PDK1: variants seen among roughly 807,000 people sequenced by gnomAD.
PDK1 encodes pyruvate dehydrogenase kinase 1, also known as [Pyruvate dehydrogenase (acetyl-transferring)] kinase isozyme 1, mitochondrial.
In PDK1, 39 loss-of-function variants were observed where a neutral mutation model predicts 54.2. The ratio of observed to expected loss-of-function variants is 0.72; its 90% confidence interval spans 0.56 to 0.94. The LOEUF (loss-of-function observed/expected upper bound fraction) is 0.94. Among genes scored for constraint, PDK1 ranks in the 40% least tolerant of loss-of-function variants. The pLI is 0.00. For missense variants in PDK1, 552 were observed against 566.0 expected (o/e 0.98, Z 0.25); for synonymous variants, 221 against 207.1 (o/e 1.07, Z -0.58).
In PDK1 at chr2:172,556,125, C is replaced by T. The variant is rs1194258591; in HGVS notation, c.-26C>T. 1 of 1,381,710 alleles carries T rather than the reference C, an allele frequency of 7.2e-7. No homozygotes were observed. Among genetic ancestry groups the T allele is most frequent in the Non-Finnish European group, 9.3e-7 (1 of 1,073,824 alleles). The allele number at this position is 1,381,710 out of a possible 1,614,324, so 85.6% of individuals were successfully genotyped here. On this transcript the variant is annotated 5_prime_UTR_variant, in exon 1 of 11. Transcript: ENST00000282077. ...GGCGCGGGGAAACCTGGCGTACTGG[C>T]TGTGGCTTCTCTAGCGGGACTCGGC... is the stretch of plus-strand genomic sequence containing the variant.
the PDK1 span, among the ~76,000 whole-genome samples, chr2:172,672,753 T>C: frequency 1.3e-5 from 2 of 152,358 alleles, no homozygotes; most frequent in South Asian, 2.1e-4. Flanking sequence ...GTACACATTA[T>C]AATTTACAGC....
intron 10 of PDK1, among the ~76,000 whole-genome samples, chr2:172,593,944 T>C (rs752824412): frequency 6.6e-6 from 1 of 152,164 alleles, no homozygotes; most frequent in Admixed American, 6.5e-5. Context: ...GGAAAAAATA[T>C]CTGAAAAGAC....
chr2:172,647,364 T>C, the PDK1 span, among the ~76,000 whole-genome samples: 3 of 152,118 alleles, frequency 2.0e-5, no homozygotes, highest in Non-Finnish European at 4.4e-5. Flanking sequence ...AGATGGGACT[T>C]TGAGGCTACC....
the PDK1 span, among the ~76,000 whole-genome samples, chr2:172,687,156 T>A: frequency 6.6e-6 from 1 of 152,134 alleles, no homozygotes; most frequent in Non-Finnish European, 1.5e-5. Flanking sequence ...TTTAATGAAC[T>A]CTATTTCCTG....
At chr2:172,650,832 A>G in the PDK1 span, among the ~76,000 whole-genome samples, 2 of 152,222 alleles carry the variant, frequency 1.3e-5, no homozygotes, top group Non-Finnish European at 2.9e-5. Flanking sequence ...TTCATAAAGC[A>G]AGTCCTTAGA....
chr2:172,587,534 G>T (rs535555116), intron 9 of PDK1, among the ~76,000 whole-genome samples: 1 of 152,066 alleles, frequency 6.6e-6, no homozygotes, highest in African/African-American at 2.4e-5. Context: ...AGACCTTCGC[G>T]GTGAGTGTTA....
intron 8 of PDK1, among the ~76,000 whole-genome samples, chr2:172,584,664 T>G (rs1255736568): frequency 6.7e-6 from 1 of 148,656 alleles, no homozygotes; most frequent in Non-Finnish European, 1.5e-5. Flanking sequence ...TTTTTTTTTT[T>G]TTTAAATAGA....
chr2:172,685,772 G>C, the PDK1 span, among the ~76,000 whole-genome samples: 2 of 152,074 alleles, frequency 1.3e-5, no homozygotes, highest in Admixed American at 1.3e-4. Context: ...GTGACTTTTT[G>C]TTTCTATCAA....
the PDK1 span, among the ~76,000 whole-genome samples, chr2:172,613,791 C>T: frequency 6.6e-6 from 1 of 152,128 alleles, no homozygotes; most frequent in Non-Finnish European, 1.5e-5. Context: ...GAGCCCTTCT[C>T]CTTCTGAGTT....
chr2:172,616,642 T>C, the PDK1 span, among the ~76,000 whole-genome samples: 1 of 152,176 alleles, frequency 6.6e-6, no homozygotes, highest in African/African-American at 2.4e-5. Context: ...TTGTGAGAAA[T>C]AGGTTCATAG....
chr2:172,591,333 C>T (rs1270341444), intron 9 of PDK1, among the ~76,000 whole-genome samples: 1 of 152,182 alleles, frequency 6.6e-6, no homozygotes, highest in Non-Finnish European at 1.5e-5. Context: ...CCTGTAAACG[C>T]CGGGCGGCAT....
the PDK1 span, among the ~76,000 whole-genome samples, chr2:172,638,559 T>C: frequency 2.0e-5 from 3 of 152,236 alleles, no homozygotes; most frequent in Non-Finnish European, 2.9e-5. Flanking sequence ...ATATGTAGCA[T>C]AAAACTAGGA....
chr2:172,629,378 G>T, the PDK1 span, among the ~76,000 whole-genome samples: 1 of 152,198 alleles, frequency 6.6e-6, no homozygotes, highest in African/African-American at 2.4e-5. Flanking sequence ...TGGTGGAGTG[G>T]CAGAGCGGCA....
the PDK1 span, among the ~76,000 whole-genome samples, chr2:172,661,707 AG>A: frequency 1.3e-5 from 2 of 152,270 alleles, no homozygotes; most frequent in African/African-American, 4.8e-5. Context: ...ATGCAAGAAC[AG>A]AAAACCAATA....
chr2:172,693,401 C>G, the PDK1 span, among the ~76,000 whole-genome samples: 1 of 152,114 alleles, frequency 6.6e-6, no homozygotes, highest in Non-Finnish European at 1.5e-5. Context: ...GGGGGGTGAC[C>G]CTGGGCAAGA....
At chr2:172,562,136 A>G in intron 2 of PDK1, 84 bp from the exon 3 acceptor site, 3 of 765,110 alleles carry the variant, frequency 3.9e-6, no homozygotes, top group Non-Finnish European at 6.7e-6. Flanking sequence ...ATAAAATGCT[A>G]AAAATAGCTT....
chr2:172,694,286 C>T, the PDK1 span, among the ~76,000 whole-genome samples: 1 of 152,218 alleles, frequency 6.6e-6, no homozygotes, highest in Non-Finnish European at 1.5e-5. Context: ...CAAGAGACTA[C>T]CCAAGCATTT....
At chr2:172,658,059 C>G in the PDK1 span, among the ~76,000 whole-genome samples, 1 of 152,246 alleles carries the variant, frequency 6.6e-6, no homozygotes. Flanking sequence ...GGATACTAAT[C>G]GAGTGAGAAC....
chr2:172,717,171 G>T, the PDK1 span, among the ~76,000 whole-genome samples: 1 of 152,128 alleles, frequency 6.6e-6, no homozygotes, highest in African/African-American at 2.4e-5. Flanking sequence ...AACTGCTTAC[G>T]GCTTTTCTCT....
Sources: allele counts gnomAD v4.1 joint callset (sites outside exome capture counted in the v4.1 genomes callset), GRCh38; gene constraint gnomAD v4.1.1; transcripts MANE v1.5; gene names NCBI Gene and HGNC (gene_info 2026-07-23, HGNC 2026-07-21).